PTPRS: variants seen among roughly 807,000 people sequenced by gnomAD.
PTPRS encodes receptor-type tyrosine-protein phosphatase S.
In PTPRS, 63 loss-of-function variants were observed where a neutral mutation model predicts 215.3. That is an observed-to-expected ratio of 0.29 (90% confidence interval 0.24 to 0.36). The LOEUF is 0.36. Ranked by LOEUF, PTPRS falls within the 10% of genes least tolerant of loss-of-function variation. PTPRS has a pLI of 1.00. For missense variants in PTPRS, 2,258 were observed against 2,825.8 expected, an observed-to-expected ratio of 0.80 and a Z score of 4.56; for synonymous variants, 1,404 against 1,191.4, an observed-to-expected ratio of 1.18 and a Z score of -3.68.
rs2048422111 is a variant in PTPRS at position 5,287,261 on chromosome 19, C to G, written c.-94-1027G>C. On this transcript the variant is annotated intron_variant, in intron 1 of 37. Transcript: ENST00000262963. The surrounding 1 kb of genome is among the most constrained non-coding windows in gnomAD (Gnocchi z 4.8). ...CCTCAGGAAACCCTTCTCTGCCCCTCAAAGGTCAATTCCCCCTACATTCTA... is the reference window on the plus strand; with the variant it reads ...CCTCAGGAAACCCTTCTCTGCCCCTGAAAGGTCAATTCCCCCTACATTCTA... Among the ~76,000 whole-genome samples the G allele has an allele frequency of 6.6e-6, 1 of 152,198 alleles. No homozygotes were observed. The highest frequency in any genetic ancestry group is 1.5e-5 in the Non-Finnish European group (1 of 68,034).
At chr19:5,252,287 G>A (rs2045168749) in intron 9 of PTPRS, among the ~76,000 whole-genome samples, 1 of 152,088 alleles carries the variant, frequency 6.6e-6, no homozygotes, top group Admixed American at 6.5e-5. Context: ...GTAGAACATT[G>A]CTCAACCGGC....
intron 1 of PTPRS, among the ~76,000 whole-genome samples, chr19:5,296,556 G>A (rs950005068): frequency 2.0e-5 from 3 of 151,322 alleles, no homozygotes; most frequent in Non-Finnish European, 2.9e-5. Context: ...GGTGACATGC[G>A]AACAAAGACC....
chr19:5,250,120 A>T (rs1388848668), intron 9 of PTPRS, among the ~76,000 whole-genome samples: 5 of 152,236 alleles, frequency 3.3e-5, no homozygotes, highest in Middle Eastern at 3.2e-3. Flanking sequence ...CATCAGTTAA[A>T]TGGACCTGCC....
At chr19:5,275,604 G>A (rs985727185) in intron 2 of PTPRS, among the ~76,000 whole-genome samples, 5 of 151,830 alleles carry the variant, frequency 3.3e-5, no homozygotes, top group Non-Finnish European at 7.4e-5. Flanking sequence ...TCAGCAGTTC[G>A]AGACCAGCCT....
intron 1 of PTPRS, among the ~76,000 whole-genome samples, chr19:5,327,114 C>T (rs548279434): frequency 6.6e-6 from 1 of 152,214 alleles, no homozygotes; most frequent in African/African-American, 2.4e-5. Context: ...GCCTGCCCTG[C>T]GACTCGGTCT....
In PTPRS at chr19:5,265,340, C is replaced by A. The variant is rs890338017; in HGVS notation, c.380-144G>T. 3 of 698,298 alleles carry A rather than the reference C, an allele frequency of 4.3e-6. No homozygotes were observed. The African/African-American group carries it at 5.4e-5, about 13-fold the overall frequency. The allele number at this position is 698,298 out of a possible 1,614,324, so 43.3% of individuals were successfully genotyped here. ...CAGCCATGGGTGCCATCCTTTACAG[C>A]CAGTTCTCTCTCTTTTTTTGAGACA... On this transcript the variant is annotated intron_variant, in intron 4 of 37. Transcript: ENST00000262963.
Position 5,305,746 on chromosome 19 carries a change from A to AATAAATATAT in PTPRS, c.-94-19513_-94-19512insATATATTTAT, listed in dbSNP as rs71172708. ...CCCGTCTCTGAAAAATAAATAAATA[A>AATAAATATAT]ATATATATATATATATATATTTTTT... On this transcript the variant is annotated intron_variant, in intron 1 of 37. Transcript: ENST00000262963. 7.8e-3 allele frequency among the ~76,000 whole-genome samples: 824 copies of AATAAATATAT among 105,600 alleles called. 8 individuals carry two copies. The highest frequency in any genetic ancestry group is 0.012 in the Non-Finnish European group (645 of 53,552). The allele number at this position is 105,600 out of a possible 152,430, so 69.3% of individuals were successfully genotyped here. A position where few individuals can be genotyped will look rare whatever the true frequency, so the allele number is the denominator to read the frequency against.
At chr19:5,219,615 G>A in intron 22 of PTPRS, 148 bp from the exon 23 acceptor site, 1 of 1,011,068 alleles carries the variant, frequency 9.9e-7, no homozygotes, top group Non-Finnish European at 1.4e-6. Flanking sequence ...TATGTGACCT[G>A]GTCCCTGCCA....
At chr19:5,327,609 CTTT>C (rs1224024930) in intron 1 of PTPRS, among the ~76,000 whole-genome samples, 1 of 152,040 alleles carries the variant, frequency 6.6e-6, no homozygotes, top group East Asian at 1.9e-4. Flanking sequence ...TGGCTCAGTT[CTTT>C]TTGTTTTTAG....
intron 16 of PTPRS, 74 bp downstream of exon 16, chr19:5,229,242 G>C (rs1349869023): frequency 2.7e-5 from 36 of 1,319,514 alleles, no homozygotes; most frequent in Non-Finnish European, 3.5e-5. Flanking sequence ...GATAAGGGGC[G>C]TGCAGGAGTC....
At position 5,339,078 on chromosome 19, in the gene PTPRS, C is replaced by G. The variant is rs1424997132; in HGVS notation, c.-95+1586G>C. ...TATCATCCCTGCTGCTCAGCCGGGA[C>G]TCCGACACCTCGGACACCCGCTTCA... On this transcript the variant is annotated intron_variant, in intron 1 of 37. Transcript: ENST00000262963. This position sits in a 1 kb window ranked among gnomAD's most constrained non-coding sequence, Gnocchi z 4.2. Among the ~76,000 whole-genome samples, 1 of 152,178 alleles carries G rather than the reference C, an allele frequency of 6.6e-6. No individual in the cohort carries two copies. Among genetic ancestry groups the G allele is most frequent in the Non-Finnish European group, 1.5e-5 (1 of 68,034 alleles).
At position 5,214,666 on chromosome 19, in the gene PTPRS, G is replaced by C. The variant is rs1361239707; in HGVS notation, c.4389C>G (p.Ala1463=). ...AGGTCTCAGGCAGCGGCCCCTGCGT[G>C]GCAATGTACGCGTTCTGACACCGGT... ...DGYRCQNAYI[A]TQGPLPETFG... Residue 1463 remains alanine (A), a synonymous_variant, in exon 29 of 38, where the codon GCC becomes GCG. Transcript: ENST00000262963. The C allele has an allele frequency of 1.2e-6, 2 of 1,613,162 alleles. No homozygotes were observed. Among genetic ancestry groups the C allele is most frequent in the Non-Finnish European group, 8.5e-7 (1 of 1,179,922 alleles).
chr19:5,232,401 A>G (rs1223141394), intron 13 of PTPRS, among the ~76,000 whole-genome samples: 1 of 149,268 alleles, frequency 6.7e-6, no homozygotes, highest in African/African-American at 2.5e-5. Context: ...GGCACCTCCT[A>G]TGTGCCAGCA....
rs1018089974 is a variant in PTPRS at position 5,237,645 on chromosome 19, C to A, written c.1849+1274G>T. ...AGTGGCTGGGGCAGGCGGGGGGGCA[C>A]GCGGGGTGGGCCGTTTTTGTGAACC... On this transcript the variant is annotated intron_variant, in intron 13 of 37. Coordinates refer to ENST00000262963, the MANE Select transcript of PTPRS (RefSeq NM_002850.4). This position sits in a 1 kb window ranked among gnomAD's most constrained non-coding sequence, Gnocchi z 4.2. 3.9e-5 allele frequency among the ~76,000 whole-genome samples: 6 copies of A among 151,952 alleles called. No homozygotes were observed. The highest frequency in any genetic ancestry group is 3.9e-4 in the Admixed American group (6 of 15,272).
intron 13 of PTPRS, among the ~76,000 whole-genome samples, chr19:5,236,800 C>G (rs1418037037): frequency 6.7e-6 from 1 of 149,658 alleles, no homozygotes; most frequent in Admixed American, 6.7e-5. Flanking sequence ...ACCAGCCACA[C>G]CAACCAAAGG....
In PTPRS at chr19:5,210,631, G is replaced by A. The variant is rs1297661177; in HGVS notation, c.5362-37C>T. 1.9e-6 allele frequency: 3 copies of A among 1,613,924 alleles called. No homozygotes were observed. In the African/African-American group the frequency reaches 4.0e-5, roughly 22 times the overall value. ...ATGGCGGCCGTGGTCAGCGCTGTCT[G>A]AGCCACAGTCTGGCCCTCGCCCTTC... On this transcript the variant is annotated intron_variant, in intron 34 of 37. Coordinates refer to ENST00000262963, the MANE Select transcript of PTPRS (RefSeq NM_002850.4). This position sits in a 1 kb window ranked among gnomAD's most constrained non-coding sequence, Gnocchi z 4.5.
At chr19:5,211,470 T>C in intron 33 of PTPRS, 120 bp downstream of exon 33, 2 of 1,040,844 alleles carry the variant, frequency 1.9e-6, no homozygotes, top group Non-Finnish European at 2.7e-6. Context: ...AAGATGTGTA[T>C]TTAAACAGCT....
At chr19:5,208,132 G>A (rs554290951) in intron 36 of PTPRS, 75 bp from the exon 37 acceptor site, 13 of 1,577,294 alleles carry the variant, frequency 8.2e-6, no homozygotes, top group African/African-American at 8.1e-5. Context: ...CCGATTCCCC[G>A]AGGACTCTAA....
chr19:5,320,861 G>A (rs1473877938), intron 1 of PTPRS, among the ~76,000 whole-genome samples: 1 of 152,214 alleles, frequency 6.6e-6, no homozygotes, highest in Admixed American at 6.5e-5. Context: ...TTTTCCAGAT[G>A]AGGAAACTGA....
Sources: allele counts gnomAD v4.1 joint callset (sites outside exome capture counted in the v4.1 genomes callset), GRCh38; gene constraint gnomAD v4.1.1; non-coding constraint Gnocchi (gnomAD v3.1); transcripts MANE v1.5; gene names NCBI Gene and HGNC (gene_info 2026-07-23, HGNC 2026-07-21).